CEP104: variants seen among roughly 807,000 people sequenced by gnomAD.
CEP104 encodes centrosomal protein 104.
In CEP104, 84 loss-of-function variants were observed where a neutral mutation model predicts 113.3. That is an observed-to-expected ratio of 0.74 (90% CI 0.62 to 0.89). CEP104 has a LOEUF of 0.89. Ranked by LOEUF, CEP104 falls within the 40% of genes least tolerant of loss-of-function variation. The pLI, the probability that CEP104 is intolerant of heterozygous loss-of-function variation, is 0.00. For synonymous variants in CEP104, 378 were observed against 421.7 expected (o/e 0.90, Z 1.27); for missense variants, 1,053 against 1,156.6 (o/e 0.91, Z 1.30).
At chr1:3,852,191 G>T in intron 2 of CEP104, 104 bp downstream of exon 2, 1 of 1,104,752 alleles carries the variant, frequency 9.1e-7, no homozygotes, top group Non-Finnish European at 1.3e-6. Flanking sequence ...CCTGATGTCC[G>T]AGTGATAGTA....
chr1:3,851,704 G>C (rs1644614045), intron 2 of CEP104, among the ~76,000 whole-genome samples: 1 of 152,208 alleles, frequency 6.6e-6, no homozygotes, highest in Non-Finnish European at 1.5e-5. Flanking sequence ...TCAGGCTGGA[G>C]TGCATGGCTA....
At chr1:3,825,452 T>C (rs1644071551) in intron 18 of CEP104, among the ~76,000 whole-genome samples, 1 of 152,190 alleles carries the variant, frequency 6.6e-6, no homozygotes, top group Admixed American at 6.5e-5. Flanking sequence ...TGACGCCACA[T>C]GGTTCCGTTT....
At chr1:3,815,601 G>T in intron 21 of CEP104, 84 bp from the exon 22 acceptor site, 1 of 958,292 alleles carries the variant, frequency 1.0e-6, no homozygotes, top group Non-Finnish European at 1.5e-6. Context: ...CAGACACCCA[G>T]CAACAACGTC....
At chr1:3,827,072 A>T (rs957140634) in intron 15 of CEP104, among the ~76,000 whole-genome samples, 37 of 152,130 alleles carry the variant, frequency 2.4e-4, no homozygotes, top group African/African-American at 8.9e-4. Flanking sequence ...GGATCACTTG[A>T]GCCTGGGAGG....
rs6662706 is a variant in CEP104, at chr1:3,816,032, G to T, written c.2662+248C>A. 0.5 allele frequency: 221,518 copies of T among 444,652 alleles called. 61,762 individuals are homozygous for T. The highest frequency in any genetic ancestry group is 0.82 in the African/African-American group (40,101 of 48,958). The allele number at this position is 444,652 out of a possible 1,614,324, so 27.5% of individuals were successfully genotyped here. On this transcript the variant is annotated intron_variant, in intron 21 of 21. Coordinates refer to ENST00000378230, the MANE Select transcript of CEP104 (RefSeq NM_014704.4). ...TAGAAAGAGCGGAGGACGGGAGTGT[G>T]AATCCTAGGCCACCCGTGGAGCCTT...
At chr1:3,822,592 G>T (rs1643998668) in intron 20 of CEP104, among the ~76,000 whole-genome samples, 1 of 152,180 alleles carries the variant, frequency 6.6e-6, no homozygotes, top group Admixed American at 6.5e-5. Context: ...GACAGGGCCA[G>T]AATAATTGCC....
intron 20 of CEP104, among the ~76,000 whole-genome samples, chr1:3,820,653 T>C (rs1322585254): frequency 6.6e-6 from 1 of 152,186 alleles, no homozygotes; most frequent in Non-Finnish European, 1.5e-5. Flanking sequence ...TAATATAAAA[T>C]GAATGTATTT....
chr1:3,845,194 T>C, intron 5 of CEP104, 95 bp downstream of exon 5: 1 of 960,734 alleles, frequency 1.0e-6, no homozygotes, highest in Non-Finnish European at 1.6e-6. Context: ...TTTATGCAGA[T>C]TATAAAAATG....
At chr1:3,853,003 A>G (rs1220209543) in intron 1 of CEP104, among the ~76,000 whole-genome samples, 1 of 152,260 alleles carries the variant, frequency 6.6e-6, no homozygotes, top group South Asian at 2.1e-4. Flanking sequence ...AGCCCTGTCC[A>G]TGCAGCCATC....
At chr1:3,852,566 T>G in intron 1 of CEP104, 145 bp from the exon 2 acceptor site, 1 of 647,392 alleles carries the variant, frequency 1.5e-6, no homozygotes, top group Non-Finnish European at 2.4e-6. Flanking sequence ...AAAGAGTCTA[T>G]TTTTTTTTGT....
intron 6 of CEP104, 83 bp from the exon 7 acceptor site, chr1:3,839,859 C>T: frequency 9.4e-7 from 1 of 1,068,864 alleles, no homozygotes; most frequent in East Asian, 2.4e-5. Flanking sequence ...AGAAGATGCC[C>T]CTCCCCATCC....
intron 4 of CEP104, among the ~76,000 whole-genome samples, chr1:3,846,176 G>C (rs1399705450): frequency 6.6e-6 from 1 of 151,764 alleles, no homozygotes; most frequent in Non-Finnish European, 1.5e-5. Context: ...ATCCACGTGA[G>C]ATTCAGTATG....
In CEP104 at chr1:3,852,298, G is replaced by A. The variant is rs1644626260; in HGVS notation, c.110C>T (p.Pro37Leu). ...CCCCGCCCCGTCCAGTCCTCACCTA[G>A]GTGACCGCCACCCACTGACAGTTGG... Reference protein sequence around the residue: ...HAPTVSGWRSPRFCQFPQEIV... With the variant: ...HAPTVSGWRSLRFCQFPQEIV... Residue 37 changes from proline (P) to leucine (L), a missense_variant, in exon 2 of 22, where the codon CCT (proline) becomes CTT (leucine). By Grantham distance (98) the Pro-to-Leu change is moderately conservative (BLOSUM62 -3). Coordinates refer to ENST00000378230, the MANE Select transcript of CEP104 (RefSeq NM_014704.4). 4.3e-6 allele frequency: 7 copies of A among 1,613,324 alleles called. No homozygotes were observed. The East Asian group carries it at 1.6e-4, about 36-fold the overall frequency.
At chr1:3,821,290 T>G (rs1390186680) in intron 20 of CEP104, among the ~76,000 whole-genome samples, 1 of 152,208 alleles carries the variant, frequency 6.6e-6, no homozygotes, top group Non-Finnish European at 1.5e-5. Context: ...CACGCATCAC[T>G]AAGCATGGTA....
rs761736219 is a variant in CEP104 at position 3,815,470 on chromosome 1, C to T, written c.2710G>A (p.Gly904Arg). 47 of 1,612,766 alleles carry T rather than the reference C, an allele frequency of 2.9e-5. No individual in the cohort carries two copies. The East Asian group carries it at 6.9e-4, about 24-fold the overall frequency. ...AASGPLGSKA[G>R]SKIPTPKGGL... Reference sequence around the variant, plus strand: ...CCCTTCGGGGTGGGGATCTTGCTTCCGGCCTTTGACCCCAAGGGGCCTGAT... The same window carrying T: ...CCCTTCGGGGTGGGGATCTTGCTTCTGGCCTTTGACCCCAAGGGGCCTGAT... The change falls in exon 22 of 22, where the codon GGA becomes AGA. Residue 904 changes from glycine (G) to arginine (R), a missense_variant. Physicochemically the swap from Gly to Arg is moderately radical, Grantham distance 125. Transcript: ENST00000378230.
chr1:3,845,644 C>T (rs1370890120), intron 4 of CEP104, among the ~76,000 whole-genome samples: 1 of 152,132 alleles, frequency 6.6e-6, no homozygotes, highest in Admixed American at 6.5e-5. Flanking sequence ...TTATAACAAA[C>T]TCTGACCTAC....
Position 3,815,191 on chromosome 1 carries a change from C to G in CEP104, c.*211G>C, listed in dbSNP as rs1409648878. 5.2e-6 allele frequency: 3 copies of G among 574,892 alleles called. No individual in the cohort carries two copies. Among genetic ancestry groups the G allele is most frequent in the African/African-American group, 1.9e-5 (1 of 53,058 alleles). 35.6% of individuals were successfully genotyped at this position (574,892 alleles called of 1,614,324 possible). A position where few individuals can be genotyped will look rare whatever the true frequency, so the allele number is the denominator to read the frequency against. On this transcript the variant is annotated 3_prime_UTR_variant, in exon 22 of 22. Coordinates refer to ENST00000378230, the MANE Select transcript of CEP104 (RefSeq NM_014704.4). ...GGCTTAATGTACAGTGCGGCCAGGT[C>G]CTGGCACTGCACGCAGGATCTTTGG... is the stretch of plus-strand genomic sequence containing the variant.
chr1:3,843,142 T>G (rs1644442397), intron 6 of CEP104: 1 of 661,958 alleles, frequency 1.5e-6, no homozygotes, highest in South Asian at 1.6e-5. Context: ...TGGCAGCCCT[T>G]CCCTTCTTTC....
At chr1:3,842,373 C>T (rs1361985093) in intron 6 of CEP104, among the ~76,000 whole-genome samples, 1 of 152,248 alleles carries the variant, frequency 6.6e-6, no homozygotes, top group Non-Finnish European at 1.5e-5. Flanking sequence ...AGCCACCGCG[C>T]CCGGCCTTGG....
Sources: allele counts gnomAD v4.1 joint callset (sites outside exome capture counted in the v4.1 genomes callset), GRCh38; gene constraint gnomAD v4.1.1; transcripts MANE v1.5; gene names NCBI Gene and HGNC (gene_info 2026-07-23, HGNC 2026-07-21).